Variants in UST observed in about 807,000 individuals in gnomAD.
UST encodes the protein uronyl 2-sulfotransferase, also known as chondroitin sulfate 2-O-sulfotransferase.
UST carries 21 observed loss-of-function variants against 45.6 expected under a neutral mutation model. That is an observed-to-expected ratio of 0.46 (90% confidence interval 0.33 to 0.66). The LOEUF is 0.66. Among genes scored for constraint, UST ranks in the 30% least tolerant of loss-of-function variants. The pLI is 0.02. For synonymous variants in UST, 215 were observed against 200.6 expected, an observed-to-expected ratio of 1.07 and a Z score of -0.61; for missense variants, 463 against 512.4, an observed-to-expected ratio of 0.90 and a Z score of 0.93.
chr6:148,820,253 C>T (rs1394687938), intron 1 of UST, among the ~76,000 whole-genome samples: 2 of 152,148 alleles, frequency 1.3e-5, no homozygotes, highest in African/African-American at 4.8e-5. Context: ...TTCCCATATG[C>T]CCTCACTCAG....
intron 5 of UST, among the ~76,000 whole-genome samples, chr6:148,991,497 CT>C (rs1378416126): frequency 6.9e-6 from 1 of 144,586 alleles, no homozygotes; most frequent in East Asian, 2.1e-4. Flanking sequence ...TCTCCTAATG[CT>C]ATCCCTCCCC....
At chr6:148,760,831 C>T (rs766822763) in intron 1 of UST, among the ~76,000 whole-genome samples, 6 of 152,100 alleles carry the variant, frequency 3.9e-5, no homozygotes, top group Non-Finnish European at 8.8e-5. Context: ...AACCAACTCA[C>T]GAGATAAATG....
At chr6:148,894,552 A>C (rs1189161067) in intron 2 of UST, among the ~76,000 whole-genome samples, 2 of 152,066 alleles carry the variant, frequency 1.3e-5, no homozygotes, top group African/African-American at 2.4e-5. Flanking sequence ...CCCCCTCCAA[A>C]CCCCCAGGCA....
At chr6:149,034,596 C>T (rs2059410829) in intron 7 of UST, among the ~76,000 whole-genome samples, 1 of 151,606 alleles carries the variant, frequency 6.6e-6, no homozygotes, top group African/African-American at 2.4e-5. Context: ...GGGTTCATTA[C>T]TCTAAACACA....
chr6:148,862,616 G>GT (rs1778341436), intron 1 of UST, among the ~76,000 whole-genome samples: 1 of 152,224 alleles, frequency 6.6e-6, no homozygotes, highest in Non-Finnish European at 1.5e-5. Flanking sequence ...AATTTGGCAT[G>GT]TTTTTGCAGT....
chr6:149,028,118 A>G (rs1325023627), intron 7 of UST, among the ~76,000 whole-genome samples: 1 of 152,092 alleles, frequency 6.6e-6, no homozygotes, highest in Non-Finnish European at 1.5e-5. Flanking sequence ...TGCTGGGATT[A>G]CTGGCGTGAT....
intron 5 of UST, among the ~76,000 whole-genome samples, chr6:149,010,913 A>AAAAAAAAAAAAC (rs755674810): frequency 0.042 from 3,884 of 92,702 alleles, 679 homozygotes; most frequent in Non-Finnish European, 0.048. Context: ...AAAAAAAAAA[A>AAAAAAAAAAAAC]AAAAAACTGT....
chr6:148,754,156 GGC>G (rs1776046168), intron 1 of UST, among the ~76,000 whole-genome samples: 1 of 151,924 alleles, frequency 6.6e-6, no homozygotes, highest in African/African-American at 2.4e-5. Context: ...CACCATGCCT[GGC>G]TAATTTTTTT....
chr6:149,015,618 G>T (rs1441815906), intron 5 of UST, among the ~76,000 whole-genome samples: 1 of 151,118 alleles, frequency 6.6e-6, no homozygotes, highest in African/African-American at 2.4e-5. Context: ...CATATTAAAT[G>T]TTTTTTTTTC....
chr6:148,986,917 T>C (rs1781249117), intron 5 of UST, among the ~76,000 whole-genome samples: 1 of 152,262 alleles, frequency 6.6e-6, no homozygotes, highest in Non-Finnish European at 1.5e-5. Flanking sequence ...GCTCAGTAAC[T>C]ATTCACTGTT....
intron 7 of UST, among the ~76,000 whole-genome samples, chr6:149,068,280 C>T (rs1203232086): frequency 3.3e-5 from 5 of 152,172 alleles, no homozygotes; most frequent in African/African-American, 1.2e-4. Context: ...AGCACAGCAG[C>T]TGATTGTCAT....
chr6:148,760,994 C>G (rs547528718), intron 1 of UST, among the ~76,000 whole-genome samples: 1 of 152,190 alleles, frequency 6.6e-6, no homozygotes, highest in Non-Finnish European at 1.5e-5. Flanking sequence ...TTTTCCAGTT[C>G]CCTCAGTGAG....
intron 1 of UST, among the ~76,000 whole-genome samples, chr6:148,854,079 G>T (rs1265163243): frequency 6.6e-6 from 1 of 152,112 alleles, no homozygotes; most frequent in Non-Finnish European, 1.5e-5. Context: ...CAAACAAAAA[G>T]GTTTTTTTAA....
chr6:148,899,795 G>C (rs1779212585), intron 2 of UST, among the ~76,000 whole-genome samples: 1 of 152,130 alleles, frequency 6.6e-6, no homozygotes, highest in Non-Finnish European at 1.5e-5. Context: ...TCATATCCCT[G>C]GTTAACCTGT....
At chr6:148,851,374 A>C (rs17078929) in intron 1 of UST, among the ~76,000 whole-genome samples, 5,078 of 152,310 alleles carry the variant, frequency 0.033, 284 homozygotes, top group African/African-American at 0.12. Context: ...CATCACAAAA[A>C]ATTATAAAGA....
At chr6:148,874,076 T>C (rs1208600636) in intron 1 of UST, among the ~76,000 whole-genome samples, 2 of 152,258 alleles carry the variant, frequency 1.3e-5, no homozygotes, top group African/African-American at 4.8e-5. Context: ...GCAGGTGTGT[T>C]AGCATTCCAC....
chr6:148,902,428 G>T (rs925038342), intron 2 of UST, among the ~76,000 whole-genome samples: 2 of 151,202 alleles, frequency 1.3e-5, no homozygotes, highest in South Asian at 2.1e-4. Context: ...TAGACCCAAG[G>T]TCTAGCTATG....
intron 7 of UST, among the ~76,000 whole-genome samples, chr6:149,032,780 TG>T (rs1776174518): frequency 6.6e-6 from 1 of 152,162 alleles, no homozygotes; most frequent in East Asian, 1.9e-4. Context: ...TGGTCAGACT[TG>T]GGGGTTGTAC....
intron 5 of UST, among the ~76,000 whole-genome samples, chr6:149,006,412 C>T (rs146565888): frequency 1.1e-4 from 17 of 152,268 alleles, no homozygotes; most frequent in South Asian, 6.2e-4. Context: ...CATGTCCCTG[C>T]AAAGGACATG....
Sources: allele counts gnomAD v4.1 joint callset (sites outside exome capture counted in the v4.1 genomes callset), GRCh38; gene constraint gnomAD v4.1.1; transcripts MANE v1.5; gene names NCBI Gene and HGNC (gene_info 2026-07-23, HGNC 2026-07-21).